TMEM132D: variants seen among roughly 807,000 people sequenced by gnomAD.
TMEM132D encodes the protein mature OL transmembrane protein.
A neutral mutation model predicts 62.3 loss-of-function variants in TMEM132D; 21 were observed. That is an observed-to-expected ratio of 0.34 (90% confidence interval 0.24 to 0.49). TMEM132D has a LOEUF of 0.49. Among genes scored for constraint, TMEM132D ranks in the 20% least tolerant of loss-of-function variants. The pLI is 0.99. For missense variants in TMEM132D, 1,346 were observed against 1,402.8 expected (o/e 0.96, Z 0.65); for synonymous variants, 621 against 575.6 (o/e 1.08, Z -1.13).
At chr12:129,595,146 TG>T (rs1555220785) in intron 2 of TMEM132D, among the ~76,000 whole-genome samples, 1 of 152,190 alleles carries the variant, frequency 6.6e-6, no homozygotes, top group Non-Finnish European at 1.5e-5. Flanking sequence ...CAAAAATTAA[TG>T]TGAACAGGAA....
intron 5 of TMEM132D, among the ~76,000 whole-genome samples, chr12:129,106,796 CTCT>C (rs1875515595): frequency 2.0e-5 from 3 of 152,182 alleles, no homozygotes; most frequent in Admixed American, 2.0e-4. Context: ...CCAGTGCACA[CTCT>C]TCTTGTCTCC....
chr12:129,655,024 T>G (rs1275183778), intron 2 of TMEM132D, among the ~76,000 whole-genome samples: 5 of 150,810 alleles, frequency 3.3e-5, no homozygotes, highest in Non-Finnish European at 7.4e-5. Flanking sequence ...CTCAGCTCAC[T>G]GCAACCTCTG....
At chr12:129,161,065 T>C (rs113280032) in intron 5 of TMEM132D, among the ~76,000 whole-genome samples, 1,802 of 152,280 alleles carry the variant, frequency 0.012, 43 homozygotes, top group African/African-American at 0.041. Flanking sequence ...AAAAAAGCAA[T>C]GTGATAAAAA....
intron 2 of TMEM132D, among the ~76,000 whole-genome samples, chr12:129,540,906 T>G (rs1261263252): frequency 6.6e-6 from 1 of 152,226 alleles, no homozygotes; most frequent in African/African-American, 2.4e-5. Context: ...GTGCTGGGAT[T>G]CCAGGCATGA....
chr12:129,748,551 C>A (rs749092047), intron 1 of TMEM132D, among the ~76,000 whole-genome samples: 3 of 152,102 alleles, frequency 2.0e-5, no homozygotes, highest in Non-Finnish European at 4.4e-5. Context: ...ACAAGTTCAT[C>A]TTGAGTTTAA....
intron 5 of TMEM132D, among the ~76,000 whole-genome samples, chr12:129,135,561 C>T (rs201253723): frequency 3.3e-5 from 5 of 152,186 alleles, no homozygotes; most frequent in Admixed American, 2.6e-4. Flanking sequence ...CTTTGCTCAG[C>T]GTGACAGCTT....
intron 2 of TMEM132D, among the ~76,000 whole-genome samples, chr12:129,539,563 T>C (rs1211117577): frequency 1.3e-5 from 1 of 79,046 alleles, no homozygotes; most frequent in Non-Finnish European, 2.4e-5. Flanking sequence ...CGCCACTGGC[T>C]AATTTTTTCT....
intron 3 of TMEM132D, among the ~76,000 whole-genome samples, chr12:129,380,098 G>T (rs1204271360): frequency 6.6e-6 from 1 of 151,994 alleles, no homozygotes; most frequent in Non-Finnish European, 1.5e-5. Context: ...TTGTCTTATT[G>T]GTGATCAAAG....
At chr12:129,727,034 T>TA (rs1869060137) in intron 1 of TMEM132D, among the ~76,000 whole-genome samples, 1 of 152,198 alleles carries the variant, frequency 6.6e-6, no homozygotes, top group Admixed American at 6.5e-5. Flanking sequence ...CCAGAATTTT[T>TA]AAAAATTCCC....
chr12:129,529,216 T>A (rs753491990), intron 3 of TMEM132D, among the ~76,000 whole-genome samples: 9 of 152,212 alleles, frequency 5.9e-5, no homozygotes, highest in Non-Finnish European at 1.0e-4. Context: ...AGATAAGGAA[T>A]GGTCTTCACT....
At chr12:129,659,176 G>T (rs1363227851) in intron 2 of TMEM132D, among the ~76,000 whole-genome samples, 1 of 152,080 alleles carries the variant, frequency 6.6e-6, no homozygotes, top group African/African-American at 2.4e-5. Context: ...TCCACCAGCT[G>T]CCCCAGATGA....
chr12:129,191,036 G>T (rs995753931), intron 5 of TMEM132D, among the ~76,000 whole-genome samples: 5 of 152,056 alleles, frequency 3.3e-5, no homozygotes, highest in African/African-American at 1.2e-4. Context: ...CCCCCTCCGG[G>T]TCACTGCCAG....
intron 4 of TMEM132D, among the ~76,000 whole-genome samples, chr12:129,306,183 G>A (rs758297467): frequency 1.5e-4 from 23 of 152,164 alleles, no homozygotes; most frequent in Admixed American, 3.3e-4. Context: ...ATAACACCTC[G>A]GTTACCAAAA....
intron 3 of TMEM132D, among the ~76,000 whole-genome samples, chr12:129,340,192 T>C (rs924298351): frequency 2.0e-5 from 3 of 152,326 alleles, no homozygotes; most frequent in African/African-American, 4.8e-5. Flanking sequence ...CATTTAGATT[T>C]TCCCTTTTTC....
At chr12:129,900,417 G>A (rs1446769913) in intron 1 of TMEM132D, among the ~76,000 whole-genome samples, 2 of 152,192 alleles carry the variant, frequency 1.3e-5, no homozygotes, top group East Asian at 3.9e-4. Flanking sequence ...GCTGCACTCA[G>A]CTGGAAGCAG....
intron 4 of TMEM132D, among the ~76,000 whole-genome samples, chr12:129,255,139 C>A (rs952480817): frequency 6.6e-6 from 1 of 152,220 alleles, no homozygotes; most frequent in South Asian, 2.1e-4. Context: ...TCACCTTCCA[C>A]CGCGACTGCA....
intron 4 of TMEM132D, among the ~76,000 whole-genome samples, chr12:129,266,046 A>AT: frequency 6.6e-6 from 1 of 152,108 alleles, no homozygotes; most frequent in South Asian, 2.1e-4. Flanking sequence ...TCCCTTTTCA[A>AT]TCTGCTCTGA....
intron 1 of TMEM132D, among the ~76,000 whole-genome samples, chr12:129,710,262 A>G (rs1022322384): frequency 7.2e-5 from 11 of 151,992 alleles, no homozygotes; most frequent in Non-Finnish European, 1.5e-4. Flanking sequence ...TTTTCCCATT[A>G]TCGCTAATGG....
intron 1 of TMEM132D, 151 bp from the exon 2 acceptor site, chr12:129,700,849 C>T (rs568824748): frequency 3.2e-5 from 28 of 868,842 alleles, no homozygotes; most frequent in Admixed American, 6.6e-5. Flanking sequence ...CCAATCTACT[C>T]GCTTCATATT....
Sources: gnomAD v4.1 joint callset for allele counts (sites outside exome capture counted in the v4.1 genomes callset) on GRCh38, gnomAD v4.1.1 for gene constraint, MANE v1.5 for transcripts, NCBI Gene and HGNC (gene_info 2026-07-23, HGNC 2026-07-21) for gene names.